OOSP4B: variants seen among roughly 807,000 people sequenced by gnomAD.
OOSP4B encodes oocyte secreted protein family member 4B.
chr11:60,023,354 T>C (rs1025835115), intron 1 of OOSP4B, among the ~76,000 whole-genome samples: 1 of 152,226 alleles, frequency 6.6e-6, no homozygotes, highest in South Asian at 2.1e-4. Flanking sequence ...TTTTGTTTTG[T>C]TACATGTTAA....
chr11:60,027,635 G>A (rs1854756746), intron 3 of OOSP4B, among the ~76,000 whole-genome samples: 1 of 107,704 alleles, frequency 9.3e-6, no homozygotes, highest in South Asian at 3.5e-4. Context: ...CAGCCTCTAA[G>A]CAGGTAAAGG....
chr11:60,018,326 T>C (rs1391333290), intron 1 of OOSP4B, among the ~76,000 whole-genome samples: 4 of 152,142 alleles, frequency 2.6e-5, no homozygotes, highest in Admixed American at 2.0e-4. Context: ...TGGCAATGTT[T>C]AGAGGGATTT....
intron 1 of OOSP4B, 136 bp downstream of exon 1, chr11:60,017,549 GA>G (rs1028402925): frequency 5.1e-6 from 2 of 394,222 alleles, no homozygotes; most frequent in Admixed American, 4.4e-5. Context: ...AAAAAGCTGA[GA>G]TTTTTTTTTT....
intron 1 of OOSP4B, among the ~76,000 whole-genome samples, chr11:60,018,338 T>C (rs1031659743): frequency 6.6e-6 from 1 of 152,178 alleles, no homozygotes; most frequent in Non-Finnish European, 1.5e-5. Flanking sequence ...GAGGGATTTT[T>C]GGCTGTCACA....
chr11:60,018,940 G>C (rs1200360136), intron 1 of OOSP4B, among the ~76,000 whole-genome samples: 4 of 151,964 alleles, frequency 2.6e-5, no homozygotes, highest in Non-Finnish European at 4.4e-5. Context: ...CTGTAGGCCG[G>C]GTGCAGTGGC....
At chr11:60,026,924 A>G (rs1854750981) in intron 3 of OOSP4B, among the ~76,000 whole-genome samples, 1 of 152,222 alleles carries the variant, frequency 6.6e-6, no homozygotes, top group East Asian at 1.9e-4. Context: ...TGTTAACCAG[A>G]CAGTAGCTAA....
At chr11:60,017,761 T>C (rs1201886953) in intron 1 of OOSP4B, among the ~76,000 whole-genome samples, 1 of 152,190 alleles carries the variant, frequency 6.6e-6, no homozygotes, top group African/African-American at 2.4e-5. Context: ...CTGGGGCTCC[T>C]ATAATTTGAA....
chr11:60,025,913 C>A lies in OOSP4B; in HGVS notation c.302+908C>A, dbSNP rs78454847. 9.9e-3 allele frequency among the ~76,000 whole-genome samples: 1,506 copies of A among 152,162 alleles called. 32 individuals are homozygous for A. The highest frequency in any genetic ancestry group is 0.034 in the African/African-American group (1,418 of 41,508). ...TCTGATGTCAGTTTTTTATTCTAAC[C>A]ATCTGAATAGGTGCATAGTCATATT... On this transcript the variant is annotated intron_variant, in intron 3 of 4. Transcript: ENST00000642343.
chr11:60,021,906 C>T (rs1018949982), intron 1 of OOSP4B, among the ~76,000 whole-genome samples: 2 of 150,730 alleles, frequency 1.3e-5, no homozygotes, highest in African/African-American at 4.9e-5. Flanking sequence ...ATCACTTGAA[C>T]CCAGGAGGTG....
At chr11:60,024,340 G>A (rs1275759801) in intron 2 of OOSP4B, among the ~76,000 whole-genome samples, 1 of 152,208 alleles carries the variant, frequency 6.6e-6, no homozygotes, top group Non-Finnish European at 1.5e-5. Context: ...AGGAGTTTGA[G>A]ACCAACCTGG....
exon 2 of OOSP4B, chr11:60,023,982 A>G: frequency 2.5e-6 from 1 of 398,606 alleles, no homozygotes; most frequent in Non-Finnish European, 4.4e-6. Flanking sequence ...CACCTGAGAG[A>G]TAACTGTCCT....
chr11:60,022,491 G>T (rs151047603), intron 1 of OOSP4B, among the ~76,000 whole-genome samples: 1 of 152,144 alleles, frequency 6.6e-6, no homozygotes, highest in African/African-American at 2.4e-5. Context: ...TTGTACTTGC[G>T]TCTCTGTTCT....
rs56206586 is a variant in OOSP4B, at chr11:60,029,723, C to T, written c.303-59C>T. Reference sequence around the variant, plus strand: ...GAACCTATCTAATACATATTTTTCCCACAAAAAATCTGTACAGCTATTAAT... The same window carrying T: ...GAACCTATCTAATACATATTTTTCCTACAAAAAATCTGTACAGCTATTAAT... On this transcript the variant is annotated intron_variant, in intron 3 of 4. Transcript: ENST00000642343. 5.2e-3 allele frequency: 2,070 copies of T among 397,544 alleles called. 42 individuals carry two copies. Among genetic ancestry groups the T allele is most frequent in the African/African-American group, 0.04 (1,952 of 48,654 alleles). The allele number at this position is 397,544 out of a possible 1,614,324, so 24.6% of individuals were successfully genotyped here.
At chr11:60,019,039 A>C (rs1380729865) in intron 1 of OOSP4B, among the ~76,000 whole-genome samples, 1 of 152,084 alleles carries the variant, frequency 6.6e-6, no homozygotes. Context: ...CAATATGGCG[A>C]AACCCCGTCT....
In OOSP4B at chr11:60,021,980, T is replaced by G. The variant is rs1405541295; in HGVS notation, c.23-1900T>G. ...GCCTGGGTGACAAAGCAAGACTCTA[T>G]CTCCAAAAAAAAAAAAAAAAAAAAA... is the stretch of plus-strand genomic sequence containing the variant. On this transcript the variant is annotated intron_variant, in intron 1 of 4. Coordinates refer to ENST00000642343, the Ensembl canonical transcript of OOSP4B. 5.0e-5 allele frequency: 5 copies of G among 99,230 alleles called. No homozygotes were observed. The Admixed American group carries it at 7.0e-4, about 14-fold the overall frequency. The allele number at this position is 99,230 out of a possible 1,614,324, so 6.1% of individuals were successfully genotyped here.
Position 60,029,731 on chromosome 11 carries a change from A to G in OOSP4B, c.303-51A>G, listed in dbSNP as rs112418939. On this transcript the variant is annotated intron_variant, in intron 3 of 4. Transcript: ENST00000642343. ...CTAATACATATTTTTCCCACAAAAAATCTGTACAGCTATTAATCCTGTGCT... is the reference window on the plus strand; with the variant it reads ...CTAATACATATTTTTCCCACAAAAAGTCTGTACAGCTATTAATCCTGTGCT... The G allele has an allele frequency of 1.6e-3, 634 of 397,970 alleles. 1 individual carries two copies. The highest frequency in any genetic ancestry group is 2.1e-3 in the Non-Finnish European group (464 of 225,622). The allele number at this position is 397,970 out of a possible 1,614,324, so 24.7% of individuals were successfully genotyped here.
intron 1 of OOSP4B, among the ~76,000 whole-genome samples, chr11:60,018,987 C>T (rs1854654800): frequency 1.3e-5 from 2 of 152,100 alleles, no homozygotes; most frequent in South Asian, 4.1e-4. Context: ...GAAGCCGAGG[C>T]AGGCAGATCA....
At chr11:60,028,228 C>T (rs569823532) in intron 3 of OOSP4B, among the ~76,000 whole-genome samples, 7 of 151,026 alleles carry the variant, frequency 4.6e-5, no homozygotes, top group African/African-American at 1.7e-4. Flanking sequence ...TGCAGTGGTG[C>T]GATCTCAGCT....
At chr11:60,023,834 G>A (rs1053652077) in intron 1 of OOSP4B, 46 bp from the exon 2 acceptor site, 1 of 398,362 alleles carries the variant, frequency 2.5e-6, no homozygotes, top group Non-Finnish European at 4.4e-6. Context: ...AATGTCTTGG[G>A]AGGAAGTATA....
Sources: gnomAD v4.1 joint callset for allele counts (sites outside exome capture counted in the v4.1 genomes callset) on GRCh38, gnomAD v4.1.1 for gene constraint, MANE v1.5 for transcripts, NCBI Gene and HGNC (gene_info 2026-07-23, HGNC 2026-07-21) for gene names.